NR3C2: variants seen among roughly 807,000 people sequenced by gnomAD.
The protein encoded by NR3C2 is nuclear receptor subfamily 3 group C member 2.
Under a neutral mutation model 86.4 loss-of-function variants are expected in NR3C2, and 15 were observed. That is an observed-to-expected ratio of 0.17 (90% CI 0.12 to 0.27). The LOEUF (loss-of-function observed/expected upper bound fraction) is 0.27. Among genes scored for constraint, NR3C2 ranks in the 10% least tolerant of loss-of-function variants. The probability of loss-of-function intolerance (pLI) is 1.00; values close to 1 mark genes in which losing one functional copy is unlikely to be tolerated. For missense variants in NR3C2, 960 were observed against 1,195.6 expected, an observed-to-expected ratio of 0.80 and a Z score of 2.91; for synonymous variants, 458 against 450.5, an observed-to-expected ratio of 1.02 and a Z score of -0.21.
rs745839614 is a variant in NR3C2 at position 148,436,277 on chromosome 4, C to G, written c.584G>C (p.Cys195Ser). Residue 195 changes from cysteine (C) to serine (S), a missense_variant, in exon 2 of 9, where the codon TGC (cysteine) becomes TCC (serine). By Grantham distance (112) the Cys-to-Ser change is moderately radical. Coordinates refer to ENST00000358102, the MANE Select transcript of NR3C2 (RefSeq NM_000901.5). Reference sequence around the variant, plus strand: ...CGAAGATGTCATGTTCAGAGGGCTGCAAACAGACGGGCTTTTCTCATGACA... The same window carrying G: ...CGAAGATGTCATGTTCAGAGGGCTGGAAACAGACGGGCTTTTCTCATGACA... Reference protein sequence around the residue: ...IMCHEKSPSVCSPLNMTSSVC... With the variant: ...IMCHEKSPSVSSPLNMTSSVC... 3 of 1,614,142 alleles carry G rather than the reference C, an allele frequency of 1.9e-6. No individual in the cohort carries two copies. The East Asian group carries it at 6.7e-5, about 36-fold the overall frequency.
At chr4:148,138,899 T>C (rs570882815) in intron 6 of NR3C2, among the ~76,000 whole-genome samples, 1 of 152,348 alleles carries the variant, frequency 6.6e-6, no homozygotes, top group South Asian at 2.1e-4. Context: ...GGATATGTTA[T>C]AAAAGCAAGT....
intron 6 of NR3C2, among the ~76,000 whole-genome samples, chr4:148,121,463 C>T (rs903741969): frequency 6.6e-6 from 1 of 152,166 alleles, no homozygotes; most frequent in African/African-American, 2.4e-5. Context: ...GCATGAGCTT[C>T]CAAATCTACC....
At chr4:148,136,070 A>AAAAAAAC (rs371700122) in intron 6 of NR3C2, among the ~76,000 whole-genome samples, 2 of 133,468 alleles carry the variant, frequency 1.5e-5, no homozygotes, top group African/African-American at 5.9e-5. Context: ...AAAAAAAAAA[A>AAAAAAAC]AAAAAACAAA....
At chr4:148,280,663 T>C (rs1741187762) in intron 2 of NR3C2, among the ~76,000 whole-genome samples, 1 of 152,054 alleles carries the variant, frequency 6.6e-6, no homozygotes, top group Non-Finnish European at 1.5e-5. Context: ...CACACCTAAC[T>C]AATTTTTTTA....
At chr4:148,224,401 TACAC>T (rs1738035607) in intron 3 of NR3C2, among the ~76,000 whole-genome samples, 1 of 152,210 alleles carries the variant, frequency 6.6e-6, no homozygotes, top group Non-Finnish European at 1.5e-5. Context: ...TCCTCAGCGC[TACAC>T]ACAGTAAAGC....
intron 5 of NR3C2, among the ~76,000 whole-genome samples, chr4:148,153,209 G>A (rs549260840): frequency 1.4e-5 from 2 of 144,316 alleles, no homozygotes; most frequent in Non-Finnish European, 1.5e-5. Context: ...TTTTTAAGAT[G>A]GATTCTCATT....
At chr4:148,264,084 G>A (rs904752495) in intron 2 of NR3C2, among the ~76,000 whole-genome samples, 4 of 152,162 alleles carry the variant, frequency 2.6e-5, no homozygotes, top group African/African-American at 9.7e-5. Flanking sequence ...AAATTAATGA[G>A]GCCAAGGTTA....
chr4:148,237,609 A>G (rs1738807863), intron 3 of NR3C2, among the ~76,000 whole-genome samples: 1 of 151,914 alleles, frequency 6.6e-6, no homozygotes, highest in Non-Finnish European at 1.5e-5. Flanking sequence ...AACTAAATGA[A>G]TTTACATTCT....
intron 8 of NR3C2, among the ~76,000 whole-genome samples, chr4:148,100,427 T>G (rs937453478): frequency 2.0e-5 from 3 of 152,182 alleles, no homozygotes; most frequent in African/African-American, 7.2e-5. Flanking sequence ...TGAAAGACGT[T>G]TCTTCAAAGA....
chr4:148,203,582 A>T (rs1352468520), intron 3 of NR3C2, among the ~76,000 whole-genome samples: 1 of 151,964 alleles, frequency 6.6e-6, no homozygotes, highest in Non-Finnish European at 1.5e-5. Context: ...AACCTGGGAA[A>T]CAGATTAGAG....
In NR3C2 at chr4:148,145,576, T is replaced by C. The variant is rs187002166; in HGVS notation, c.2510+6893A>G. Among the ~76,000 whole-genome samples, 1,197 of 152,308 alleles carry C rather than the reference T, an allele frequency of 7.9e-3. 16 individuals are homozygous for C. The highest frequency in any genetic ancestry group is 0.01 in the Non-Finnish European group (700 of 68,030). On this transcript the variant is annotated intron_variant, in intron 6 of 8. Coordinates refer to ENST00000358102, the MANE Select transcript of NR3C2 (RefSeq NM_000901.5). Reference sequence around the variant, plus strand: ...CTTCTGCCCCTCAAATTCTTTCTTCTGAGGAGGCAAGAATTGAGGTTGCTG... The same window carrying C: ...CTTCTGCCCCTCAAATTCTTTCTTCCGAGGAGGCAAGAATTGAGGTTGCTG...
At chr4:148,191,163 T>G (rs1286683962) in intron 4 of NR3C2, among the ~76,000 whole-genome samples, 1 of 152,178 alleles carries the variant, frequency 6.6e-6, no homozygotes, top group African/African-American at 2.4e-5. Context: ...AGCAGTTCTT[T>G]TAGTGATAGC....
chr4:148,143,365 ATCCAAGCCCTGCTCTC>A (rs1180372357), intron 6 of NR3C2, among the ~76,000 whole-genome samples: 5 of 152,146 alleles, frequency 3.3e-5, no homozygotes, highest in Admixed American at 2.6e-4. Flanking sequence ...CAGGGATGGG[ATCCAAGCCCTGCTCTC>A]TAGCAGCACT....
intron 3 of NR3C2, among the ~76,000 whole-genome samples, chr4:148,213,443 T>C (rs7699349): frequency 0.76 from 114,820 of 152,050 alleles, 43,552 homozygotes; most frequent in East Asian, 0.89. Flanking sequence ...TTTTTATGTA[T>C]GTTTAGTGTT....
chr4:148,332,338 G>T (rs1744270808), intron 2 of NR3C2, among the ~76,000 whole-genome samples: 1 of 152,110 alleles, frequency 6.6e-6, no homozygotes, highest in Non-Finnish European at 1.5e-5. Context: ...AACGTAAATG[G>T]ATTCAATCTT....
intron 6 of NR3C2, among the ~76,000 whole-genome samples, chr4:148,136,056 C>CAAAAAAAAAAAAAAAAAAAACAAAA (rs1733302628): frequency 1.4e-5 from 1 of 71,204 alleles, no homozygotes; most frequent in Non-Finnish European, 2.7e-5. Flanking sequence ...GACTCCGTCT[C>CAAAAAAAAAAAAAAAAAAAACAAAA]AAAAAAAAAA....
chr4:148,166,516 T>C (rs963231635), intron 4 of NR3C2, among the ~76,000 whole-genome samples: 1 of 152,238 alleles, frequency 6.6e-6, no homozygotes, highest in African/African-American at 2.4e-5. Flanking sequence ...AATCTAATTC[T>C]GCACAGCTGG....
intron 2 of NR3C2, among the ~76,000 whole-genome samples, chr4:148,364,970 G>T (rs1159273044): frequency 6.6e-6 from 1 of 152,166 alleles, no homozygotes; most frequent in Non-Finnish European, 1.5e-5. Context: ...TTTTGTGCAT[G>T]AAACAAAATA....
intron 2 of NR3C2, among the ~76,000 whole-genome samples, chr4:148,261,359 A>C (rs113250467): frequency 9.8e-5 from 14 of 142,620 alleles, no homozygotes; most frequent in Admixed American, 5.1e-4. Flanking sequence ...GCGCTATGGT[A>C]AGCGCTATGG....
Sources: gnomAD v4.1 joint callset for allele counts (sites outside exome capture counted in the v4.1 genomes callset) on GRCh38, gnomAD v4.1.1 for gene constraint, MANE v1.5 for transcripts, NCBI Gene and HGNC (gene_info 2026-07-23, HGNC 2026-07-21) for gene names.